The following PTPN3 variants were observed in gnomAD, a reference collection of about 807,000 sequenced individuals.
PTPN3 encodes protein tyrosine phosphatase non-receptor type 3.
In PTPN3, 96 loss-of-function variants were observed where a neutral mutation model predicts 132.7. The ratio of observed to expected loss-of-function variants is 0.72; its 90% CI spans 0.61 to 0.86. The LOEUF is 0.86. PTPN3 is among the 40% of genes least tolerant of loss of function. PTPN3 has a pLI of 0.00. For synonymous variants in PTPN3, 398 were observed against 429.0 expected (o/e 0.93, Z 0.89); for missense variants, 1,125 against 1,159.6 (o/e 0.97, Z 0.43).
chr9:109,401,572 G>A (rs1279198313), intron 19 of PTPN3, among the ~76,000 whole-genome samples: 2 of 152,238 alleles, frequency 1.3e-5, no homozygotes, highest in African/African-American at 4.8e-5. Context: ...CCACCTGCGT[G>A]AAGGAGGTTT....
At chr9:109,380,265 C>A (rs1444735980) in intron 25 of PTPN3, among the ~76,000 whole-genome samples, 1 of 149,306 alleles carries the variant, frequency 6.7e-6, no homozygotes, top group Non-Finnish European at 1.5e-5. Flanking sequence ...ATCTATCTAT[C>A]TAGTTTTCAA....
At chr9:109,381,547 C>T (rs1270278023) in intron 25 of PTPN3, 105 bp downstream of exon 25, 8 of 1,472,886 alleles carry the variant, frequency 5.4e-6, no homozygotes, top group African/African-American at 1.4e-5. Context: ...GTGATTCAGT[C>T]CCCCTGAGCT....
chr9:109,430,325 C>A (rs3793530), intron 10 of PTPN3, among the ~76,000 whole-genome samples: 20 of 152,124 alleles, frequency 1.3e-4, no homozygotes, highest in South Asian at 6.2e-4. Flanking sequence ...TTACTCCCCC[C>A]ACCCCTGGCT....
chr9:109,380,837 G>T (rs1564367021), intron 25 of PTPN3, among the ~76,000 whole-genome samples: 1 of 152,216 alleles, frequency 6.6e-6, no homozygotes, highest in Middle Eastern at 3.4e-3. Flanking sequence ...TACCCTGGGG[G>T]TTTTTACCAG....
At chr9:109,401,243 T>C (rs1841067015) in intron 19 of PTPN3, among the ~76,000 whole-genome samples, 1 of 152,184 alleles carries the variant, frequency 6.6e-6, no homozygotes, top group Non-Finnish European at 1.5e-5. Flanking sequence ...TGCACAGCAG[T>C]GGTTCCGGTT....
At chr9:109,501,121 A>T (rs1235057469), upstream of PTPN3, among the ~76,000 whole-genome samples, 1 of 152,224 alleles carries the variant, frequency 6.6e-6, no homozygotes, top group Non-Finnish European at 1.5e-5. Context: ...AAAAGATCAA[A>T]TTAAAAATTC....
At position 109,377,044 on chromosome 9, in the gene PTPN3, C is replaced by T. The variant is rs1259311480; in HGVS notation, c.*2512G>A. Reference sequence around the variant, plus strand: ...TGGAAAAAAGCAGTAAAACACCCATCTCCAAAGACATTTAGACTACTTTGC... The same window carrying T: ...TGGAAAAAAGCAGTAAAACACCCATTTCCAAAGACATTTAGACTACTTTGC... On this transcript the variant is annotated 3_prime_UTR_variant, in exon 26 of 26. Transcript: ENST00000374541. The T allele has an allele frequency of 6.6e-6, 1 of 152,228 alleles. No homozygotes were observed. Among genetic ancestry groups the T allele is most frequent in the African/African-American group, 2.4e-5 (1 of 41,448 alleles). The allele number at this position is 152,228 out of a possible 1,614,324, so 9.4% of individuals were successfully genotyped here. A position where few individuals can be genotyped will look rare whatever the true frequency, so the allele number is the denominator to read the frequency against.
chr9:109,507,304 C>G, the PTPN3 span, among the ~76,000 whole-genome samples: 1 of 152,256 alleles, frequency 6.6e-6, no homozygotes, highest in Non-Finnish European at 1.5e-5. Flanking sequence ...AGAATTCCAA[C>G]TGGTCAGCCC....
rs563392669 is a variant in PTPN3 at position 109,392,694 on chromosome 9, C to T, written c.1954-1133G>A. On this transcript the variant is annotated intron_variant, in intron 19 of 25. Transcript: ENST00000374541. ...TCTCGGCTCACTGTAACGTCCACCTCCCAGGTTCAAGCGATTCTCGTGCCT... is the reference window on the plus strand; with the variant it reads ...TCTCGGCTCACTGTAACGTCCACCTTCCAGGTTCAAGCGATTCTCGTGCCT... 5.3e-5 allele frequency: 8 copies of T among 152,244 alleles called. No individual in the cohort carries two copies. The East Asian group carries it at 1.5e-3, about 29-fold the overall frequency. The allele number at this position is 152,244 out of a possible 1,614,324, so 9.4% of individuals were successfully genotyped here. A position where few individuals can be genotyped will look rare whatever the true frequency, so the allele number is the denominator to read the frequency against.
At chr9:109,519,414 T>A in the PTPN3 span, among the ~76,000 whole-genome samples, 1 of 152,206 alleles carries the variant, frequency 6.6e-6, no homozygotes, top group African/African-American at 2.4e-5. Context: ...GTATTAAATG[T>A]ATTTTTGACT....
At position 109,402,009 on chromosome 9, in the gene PTPN3, T is replaced by C. The variant is rs560001945; in HGVS notation, c.1953+2439A>G. On this transcript the variant is annotated intron_variant, in intron 19 of 25. Coordinates refer to ENST00000374541, the MANE Select transcript of PTPN3 (RefSeq NM_002829.4). ...CTCCTAAAATACACTAAAATTAGAC[T>C]GTAAACTCCTTGGGGCCAGAAACTC... Among the ~76,000 whole-genome samples the C allele has an allele frequency of 2.8e-4, 42 of 152,310 alleles. No homozygotes were observed. The South Asian group carries it at 8.5e-3, about 31-fold the overall frequency.
chr9:109,456,098 G>A (rs1022957535), intron 4 of PTPN3, among the ~76,000 whole-genome samples: 3 of 152,202 alleles, frequency 2.0e-5, no homozygotes, highest in Non-Finnish European at 4.4e-5. Flanking sequence ...GCAGTGAGAC[G>A]GGAGCGAAGG....
chr9:109,509,629 C>T, the PTPN3 span, among the ~76,000 whole-genome samples: 1 of 152,160 alleles, frequency 6.6e-6, no homozygotes, highest in Admixed American at 6.5e-5. Context: ...AGGCCAAGTT[C>T]CTTGACTTAC....
intron 22 of PTPN3, among the ~76,000 whole-genome samples, chr9:109,385,701 A>T (rs941931926): frequency 3.3e-5 from 5 of 152,258 alleles, no homozygotes; most frequent in African/African-American, 4.8e-5. Context: ...AGCTGAGCAT[A>T]TAAGAGAAGA....
In PTPN3 at chr9:109,378,034, T is replaced by TAGAGATAA. The variant is rs1365234711; in HGVS notation, c.*1514_*1521dup. The TAGAGATAA allele has an allele frequency of 2.6e-5, 4 of 152,224 alleles. No individual in the cohort carries two copies. The East Asian group carries it at 7.7e-4, about 29-fold the overall frequency. The allele number at this position is 152,224 out of a possible 1,614,324, so 9.4% of individuals were successfully genotyped here. A position where few individuals can be genotyped will look rare whatever the true frequency, so the allele number is the denominator to read the frequency against. ...AGTATGCAAGTAAATATGCTAGCTC[T>TAGAGATAA]AGAGATAAAGAATCTCCCATATAGG... On this transcript the variant is annotated 3_prime_UTR_variant, in exon 26 of 26. Coordinates refer to ENST00000374541, the MANE Select transcript of PTPN3 (RefSeq NM_002829.4).
chr9:109,533,473 C>G, the PTPN3 span: 2 of 1,576,738 alleles, frequency 1.3e-6, no homozygotes, highest in Admixed American at 3.4e-5. Flanking sequence ...GTGTCTGCGT[C>G]GGTAAGTTGC....
intron 1 of PTPN3, among the ~76,000 whole-genome samples, chr9:109,483,662 C>G (rs768139791): frequency 6.6e-6 from 1 of 152,130 alleles, no homozygotes; most frequent in African/African-American, 2.4e-5. Context: ...TCACTCCATA[C>G]GTCTCCCAAA....
At chr9:109,416,194 T>A (rs1252909561) in intron 14 of PTPN3, among the ~76,000 whole-genome samples, 3 of 152,182 alleles carry the variant, frequency 2.0e-5, no homozygotes, top group Admixed American at 2.0e-4. Flanking sequence ...AGACACCATC[T>A]GTGTTGTCCT....
rs766966545 is a variant in PTPN3 at position 109,445,257 on chromosome 9, G to A, written c.449C>T (p.Ala150Val). Reference sequence around the variant, plus strand: ...TGACTTACATTGTACGGCATAGGACGCTAGAACCACTGCTGAGTTAAGAGG... The same window carrying A: ...TGACTTACATTGTACGGCATAGGACACTAGAACCACTGCTGAGTTAAGAGG... ...TCPLNSAVVL[A>V]SYAVQSHFGD... The change falls in exon 7 of 26, where the codon GCG becomes GTG. Residue 150 changes from alanine to valine, a missense_variant. Physicochemically the swap from Ala to Val is moderately conservative, Grantham distance 64. Coordinates refer to ENST00000374541, the MANE Select transcript of PTPN3 (RefSeq NM_002829.4). 6.2e-6 allele frequency: 10 copies of A among 1,613,722 alleles called. No individual in the cohort carries two copies. The highest frequency in any genetic ancestry group is 2.2e-5 in the East Asian group (1 of 44,864).
Sources: allele counts gnomAD v4.1 joint callset (sites outside exome capture counted in the v4.1 genomes callset), GRCh38; gene constraint gnomAD v4.1.1; transcripts MANE v1.5; gene names NCBI Gene and HGNC (gene_info 2026-07-23, HGNC 2026-07-21).